CPS1: variants seen among roughly 807,000 people sequenced by gnomAD.
CPS1 encodes the protein carbamoyl-phosphate synthase 1.
A neutral mutation model predicts 174.6 loss-of-function variants in CPS1; 109 were observed. The ratio of observed to expected loss-of-function variants is 0.62; its 90% CI spans 0.53 to 0.73. CPS1 has a LOEUF of 0.73. Ranked by LOEUF, CPS1 falls within the 30% of genes least tolerant of loss-of-function variation. The probability of loss-of-function intolerance (pLI) is 0.00; values close to 1 mark genes in which losing one functional copy is unlikely to be tolerated. For missense variants in CPS1, 1,689 were observed against 1,821.9 expected, an observed-to-expected ratio of 0.93 and a Z score of 1.33; for synonymous variants, 637 against 632.0, an observed-to-expected ratio of 1.01 and a Z score of -0.12.
At chr2:210,486,159 C>CACACACACACACACACACACA (rs1574459679) in intron 1 of CPS1, among the ~76,000 whole-genome samples, 1 of 127,930 alleles carries the variant, frequency 7.8e-6, no homozygotes, top group Admixed American at 8.1e-5. Flanking sequence ...CACACACACA[C>CACACACACACACACACACACA]CCTGTATATA....
intron 25 of CPS1, 25 bp downstream of exon 25, chr2:210,642,690 A>AAT (rs769700879): frequency 1.3e-6 from 2 of 1,598,438 alleles, no homozygotes; most frequent in South Asian, 2.2e-5. Context: ...ACAGAAAAAA[A>AAT]AGAAAAAAGA....
intron 31 of CPS1, among the ~76,000 whole-genome samples, chr2:210,659,402 T>G (rs1363081984): frequency 6.6e-6 from 1 of 152,134 alleles, no homozygotes; most frequent in Non-Finnish European, 1.5e-5. Flanking sequence ...GTTGTGGGAA[T>G]TAATTTACTC....
chr2:210,497,893 C>CATACATATATATAT (rs373767668), intron 1 of CPS1, among the ~76,000 whole-genome samples: 1 of 86,940 alleles, frequency 1.2e-5, no homozygotes, highest in East Asian at 3.3e-4. Flanking sequence ...TATATACATA[C>CATACATATATATAT]ATATATATAT....
intron 21 of CPS1, among the ~76,000 whole-genome samples, chr2:210,622,458 A>G (rs1574605947): frequency 6.6e-6 from 1 of 151,686 alleles, no homozygotes; most frequent in African/African-American, 2.4e-5. Context: ...GATAACATCT[A>G]GAGGAAATAA....
intron 22 of CPS1, 82 bp downstream of exon 22, chr2:210,637,925 G>A: frequency 6.7e-7 from 1 of 1,488,974 alleles, no homozygotes; most frequent in Non-Finnish European, 9.4e-7. Flanking sequence ...AAAGGCCATT[G>A]TTAATAAAAA....
chr2:210,594,156 A>G (rs557043727), intron 11 of CPS1, among the ~76,000 whole-genome samples: 1 of 151,982 alleles, frequency 6.6e-6, no homozygotes, highest in South Asian at 2.1e-4. Context: ...AATTTTCTAT[A>G]TCATAAGTGA....
chr2:210,674,704 G>A lies in CPS1; in HGVS notation c.4102-198G>A, dbSNP rs530290534. On this transcript the variant is annotated intron_variant, in intron 34 of 37. Transcript: ENST00000233072. ...AAGCAGGGATCAAGATTATGTGGAT[G>A]GAATTTCATTGACATTGGGATATAG... The A allele has an allele frequency of 4.1e-5, 25 of 606,836 alleles. No individual in the cohort carries two copies. The African/African-American group carries it at 4.4e-4, about 11-fold the overall frequency. The allele number at this position is 606,836 out of a possible 1,614,324, so 37.6% of individuals were successfully genotyped here. A position where few individuals can be genotyped will look rare whatever the true frequency, so the allele number is the denominator to read the frequency against.
At chr2:210,623,715 A>C (rs1027187566) in intron 21 of CPS1, among the ~76,000 whole-genome samples, 1 of 152,140 alleles carries the variant, frequency 6.6e-6, no homozygotes, top group Admixed American at 6.6e-5. Context: ...TGCAGCCACA[A>C]ACTTCTGGCA....
At chr2:210,672,189 A>G (rs1701329389) in intron 34 of CPS1, 1 of 152,140 alleles carries the variant, frequency 6.6e-6, no homozygotes, top group African/African-American at 2.4e-5. Flanking sequence ...CAGTTTGAGA[A>G]CCACTCTACT....
At chr2:210,573,498 T>C in intron 2 of CPS1, 91 bp downstream of exon 2, 2 of 988,128 alleles carry the variant, frequency 2.0e-6, no homozygotes, top group Non-Finnish European at 3.2e-6. Context: ...AATCACTGCA[T>C]CGTAGTAAGA....
At chr2:210,643,461 A>C (rs575905391) in intron 25 of CPS1, among the ~76,000 whole-genome samples, 115 of 152,240 alleles carry the variant, frequency 7.6e-4, no homozygotes, top group African/African-American at 2.5e-3. Context: ...AAAAGTACTA[A>C]ATTGGAACCA....
intron 21 of CPS1, among the ~76,000 whole-genome samples, chr2:210,629,731 CAG>C (rs1347350036): frequency 6.6e-6 from 1 of 151,338 alleles, no homozygotes; most frequent in Non-Finnish European, 1.5e-5. Flanking sequence ...AAATCAAGGG[CAG>C]AGAGAGAGTC....
chr2:210,630,393 T>C (rs1465970321), intron 21 of CPS1, among the ~76,000 whole-genome samples: 1 of 152,208 alleles, frequency 6.6e-6, no homozygotes, highest in Non-Finnish European at 1.5e-5. Context: ...CTTTTTAATG[T>C]TGATTTTACT....
At chr2:210,532,459 C>G (rs1012286514) in intron 1 of CPS1, among the ~76,000 whole-genome samples, 1 of 152,116 alleles carries the variant, frequency 6.6e-6, no homozygotes, top group Admixed American at 6.6e-5. Context: ...ATACATAAAT[C>G]TGAAGTAACT....
intron 11 of CPS1, chr2:210,593,603 T>A: frequency 1.5e-5 from 15 of 985,506 alleles, no homozygotes; most frequent in Non-Finnish European, 1.7e-5. Context: ...TGAAGTCTAT[T>A]GTGACTTCCC....
chr2:210,608,960 T>G (rs1699019555), intron 19 of CPS1, among the ~76,000 whole-genome samples: 1 of 151,896 alleles, frequency 6.6e-6, no homozygotes. Context: ...GCTTAAGAAT[T>G]CAACTTTAGT....
intron 26 of CPS1, 49 bp from the exon 27 acceptor site, chr2:210,648,424 G>A (rs1364669838): frequency 2.1e-6 from 3 of 1,441,610 alleles, no homozygotes; most frequent in South Asian, 1.1e-5. Context: ...TAATTTTATT[G>A]CATATTTTAA....
At chr2:210,608,669 T>C (rs1280498054) in intron 19 of CPS1, 110 bp downstream of exon 19, 5 of 999,860 alleles carry the variant, frequency 5.0e-6, no homozygotes, top group Non-Finnish European at 4.7e-6. Flanking sequence ...ACATGGACAG[T>C]GTTAAAGGTG....
At chr2:210,674,822 GA>G (rs564014264) in intron 34 of CPS1, 79 bp from the exon 35 acceptor site, 24 of 1,109,908 alleles carry the variant, frequency 2.2e-5, no homozygotes, top group Non-Finnish European at 3.1e-5. Flanking sequence ...TGTCTTTTAA[GA>G]TGTTGTAAGG....
Sources: gnomAD v4.1 joint callset for allele counts (sites outside exome capture counted in the v4.1 genomes callset) on GRCh38, gnomAD v4.1.1 for gene constraint, MANE v1.5 for transcripts, NCBI Gene and HGNC (gene_info 2026-07-23, HGNC 2026-07-21) for gene names.